Variants in WDFY4 observed in about 807,000 individuals in gnomAD.
The protein encoded by WDFY4 is WD repeat- and FYVE domain-containing protein 4.
Under a neutral mutation model 351.9 loss-of-function variants are expected in WDFY4, and 169 were observed. The observed-to-expected ratio is 0.48, with a 90% confidence interval of 0.42 to 0.55. The LOEUF is 0.55. Among genes scored for constraint, WDFY4 ranks in the 20% least tolerant of loss-of-function variants. The pLI is 0.00. For synonymous variants in WDFY4, 1,622 were observed against 1,574.6 expected (o/e 1.03, Z -0.71); for missense variants, 3,803 against 3,935.6 (o/e 0.97, Z 0.90).
At chr10:48,844,824 G>C (rs115861244) in intron 39 of WDFY4, among the ~76,000 whole-genome samples, 1,624 of 152,280 alleles carry the variant, frequency 0.011, 28 homozygotes, top group African/African-American at 0.037. Context: ...AACAGATAAG[G>C]CTCCCACACT....
intron 4 of WDFY4, among the ~76,000 whole-genome samples, chr10:48,721,820 G>T (rs1248026559): frequency 6.6e-6 from 1 of 152,180 alleles, no homozygotes; most frequent in African/African-American, 2.4e-5. Context: ...CCTACGCTGT[G>T]CACCTGCAGT....
chr10:48,847,646 A>G (rs551688154), intron 39 of WDFY4, among the ~76,000 whole-genome samples: 2 of 152,034 alleles, frequency 1.3e-5, no homozygotes, highest in Admixed American at 6.6e-5. Flanking sequence ...GACACCTCCC[A>G]CCTGTCTAAG....
At chr10:48,915,991 A>G (rs1838495104) in intron 47 of WDFY4, among the ~76,000 whole-genome samples, 1 of 152,236 alleles carries the variant, frequency 6.6e-6, no homozygotes, top group Non-Finnish European at 1.5e-5. Context: ...TTAAAAAACA[A>G]AGTGGAGTCC....
Position 48,745,087 on chromosome 10 carries a change from C to G in WDFY4, c.2459+1539C>G, listed in dbSNP as rs145421843. ...TTTTTCTTAACTTGGATGTCTGTTT[C>G]CATCTTCTTTTTACATGTAAATTTC... On this transcript the variant is annotated intron_variant, in intron 12 of 61. Coordinates refer to ENST00000325239, the MANE Select transcript of WDFY4 (RefSeq NM_001394531.1). 3.5e-4 allele frequency among the ~76,000 whole-genome samples: 53 copies of G among 152,224 alleles called. 2 individuals carry two copies. In the East Asian group the frequency reaches 9.6e-3, roughly 28 times the overall value.
At chr10:48,727,708 T>C (rs2064316510) in intron 7 of WDFY4, 49 bp downstream of exon 7, 3 of 1,540,480 alleles carry the variant, frequency 1.9e-6, no homozygotes, top group South Asian at 2.4e-5. Context: ...ACCAAAGCCT[T>C]AGTCCTCAGA....
rs116116041 is a variant in WDFY4 at position 48,976,705 on chromosome 10, A to G, written c.9109-92A>G. On this transcript the variant is annotated intron_variant, in intron 58 of 61. Coordinates refer to ENST00000325239, the MANE Select transcript of WDFY4 (RefSeq NM_001394531.1). ...GGTCTTCAGAGCATGACAGATTGAG[A>G]GTACTTGGGTGTACCAACTGGGTAG... 4,595 of 1,166,726 alleles carry G rather than the reference A, an allele frequency of 3.9e-3. 157 individuals carry two copies. In the African/African-American group the frequency reaches 0.064, roughly 16 times the overall value. The allele number at this position is 1,166,726 out of a possible 1,614,324, so 72.3% of individuals were successfully genotyped here.
At chr10:48,729,080 T>C (rs1169509402) in intron 7 of WDFY4, among the ~76,000 whole-genome samples, 1 of 152,262 alleles carries the variant, frequency 6.6e-6, no homozygotes, top group East Asian at 1.9e-4. Flanking sequence ...CCACACCATT[T>C]TGTTGCAATG....
chr10:48,708,620 C>T (rs960564291), intron 1 of WDFY4, among the ~76,000 whole-genome samples: 1 of 152,140 alleles, frequency 6.6e-6, no homozygotes, highest in Non-Finnish European at 1.5e-5. Flanking sequence ...AATTGACTGA[C>T]AACTTTTGAA....
At chr10:48,819,264 T>C (rs1338382344) in intron 32 of WDFY4, among the ~76,000 whole-genome samples, 1 of 152,198 alleles carries the variant, frequency 6.6e-6, no homozygotes, top group Non-Finnish European at 1.5e-5. Flanking sequence ...GCGCTCCAAG[T>C]CAGCTCTGCC....
chr10:48,886,187 G>A (rs1414717548), intron 43 of WDFY4, among the ~76,000 whole-genome samples: 1 of 152,140 alleles, frequency 6.6e-6, no homozygotes, highest in Non-Finnish European at 1.5e-5. Flanking sequence ...TATAAAATCA[G>A]GGTATTTCAC....
chr10:48,950,820 C>T (rs1255636237), intron 51 of WDFY4, among the ~76,000 whole-genome samples: 1 of 152,246 alleles, frequency 6.6e-6, no homozygotes, highest in African/African-American at 2.4e-5. Context: ...CCCGGTACTG[C>T]AGCAGGCATG....
intron 47 of WDFY4, among the ~76,000 whole-genome samples, chr10:48,932,813 T>C (rs941946595): frequency 2.6e-5 from 4 of 151,710 alleles, no homozygotes; most frequent in Non-Finnish European, 5.9e-5. Flanking sequence ...GGTGGGGAGG[T>C]CCTTTCTGAG....
chr10:48,847,945 G>A (rs1442096230), intron 39 of WDFY4, among the ~76,000 whole-genome samples: 3 of 152,132 alleles, frequency 2.0e-5, no homozygotes, highest in Non-Finnish European at 4.4e-5. Context: ...TCACCCGCTC[G>A]GAGCGCCAGT....
intron 23 of WDFY4, among the ~76,000 whole-genome samples, chr10:48,792,328 G>A (rs891935584): frequency 3.3e-5 from 5 of 152,272 alleles, no homozygotes; most frequent in South Asian, 2.1e-4. Context: ...GGCACATCCC[G>A]TTTTAATTGC....
chr10:48,713,355 C>T (rs546058514), intron 2 of WDFY4, among the ~76,000 whole-genome samples: 9 of 152,318 alleles, frequency 5.9e-5, no homozygotes, highest in South Asian at 2.1e-4. Context: ...AAGAACTTCC[C>T]GTTAGCCTGT....
intron 13 of WDFY4, among the ~76,000 whole-genome samples, chr10:48,767,139 A>T (rs2132559247): frequency 6.6e-6 from 1 of 152,360 alleles, no homozygotes; most frequent in Non-Finnish European, 1.5e-5. Flanking sequence ...TTGTGTTGGC[A>T]TGGCAGAGCG....
At chr10:48,916,500 G>A (rs1023545422) in intron 47 of WDFY4, among the ~76,000 whole-genome samples, 1 of 152,184 alleles carries the variant, frequency 6.6e-6, no homozygotes, top group Non-Finnish European at 1.5e-5. Flanking sequence ...ACCAAACTGT[G>A]GTCCTCAGAG....
chr10:48,771,683 T>C (rs1303353649), intron 13 of WDFY4, among the ~76,000 whole-genome samples: 1 of 152,240 alleles, frequency 6.6e-6, no homozygotes, highest in African/African-American at 2.4e-5. Context: ...AATTCTCTGC[T>C]GGAGCACGTT....
intron 39 of WDFY4, among the ~76,000 whole-genome samples, chr10:48,848,609 G>A (rs2068856554): frequency 6.6e-6 from 1 of 152,174 alleles, no homozygotes; most frequent in African/African-American, 2.4e-5. Flanking sequence ...GCCCCAGTGA[G>A]TGAGGAAGGT....
Sources: gnomAD v4.1 joint callset for allele counts (sites outside exome capture counted in the v4.1 genomes callset) on GRCh38, gnomAD v4.1.1 for gene constraint, MANE v1.5 for transcripts, NCBI Gene and HGNC (gene_info 2026-07-23, HGNC 2026-07-21) for gene names.